ATXN7L1: variants seen among roughly 807,000 people sequenced by gnomAD.
The protein encoded by ATXN7L1 is ataxin 7 like 1.
ATXN7L1 carries 15 observed loss-of-function variants against 70.8 expected under a neutral mutation model. The ratio of observed to expected loss-of-function variants is 0.21; its 90% confidence interval spans 0.14 to 0.33. The LOEUF is 0.33. ATXN7L1 is among the 10% of genes least tolerant of loss of function. ATXN7L1 has a pLI of 1.00. For synonymous variants in ATXN7L1, 440 were observed against 445.1 expected, an observed-to-expected ratio of 0.99 and a Z score of 0.14; for missense variants, 975 against 1,097.1, an observed-to-expected ratio of 0.89 and a Z score of 1.57.
At chr7:105,677,610 AG>A (rs1804884565) in intron 3 of ATXN7L1, among the ~76,000 whole-genome samples, 1 of 152,220 alleles carries the variant, frequency 6.6e-6, no homozygotes, top group Non-Finnish European at 1.5e-5. Context: ...AACATGTAGA[AG>A]GTGGCTACCA....
At chr7:105,747,671 A>G (rs1672516332) in intron 3 of ATXN7L1, among the ~76,000 whole-genome samples, 1 of 152,072 alleles carries the variant, frequency 6.6e-6, no homozygotes, top group Non-Finnish European at 1.5e-5. Context: ...CAGTGGGGGG[A>G]CTGAGTCTTG....
chr7:105,629,748 T>C (rs1796311051), intron 7 of ATXN7L1, among the ~76,000 whole-genome samples: 1 of 151,772 alleles, frequency 6.6e-6, no homozygotes, highest in Non-Finnish European at 1.5e-5. Context: ...AAACTCCTGA[T>C]CTCAAGTGAA....
chr7:105,841,376 G>C (rs1456819951), intron 2 of ATXN7L1, among the ~76,000 whole-genome samples: 1 of 152,208 alleles, frequency 6.6e-6, no homozygotes, highest in East Asian at 1.9e-4. Context: ...CTTATCCACG[G>C]TTTCACTTTC....
chr7:105,733,633 C>CCATCCATCCACCCAT (rs1563049039), intron 3 of ATXN7L1, among the ~76,000 whole-genome samples: 1 of 38,252 alleles, frequency 2.6e-5, no homozygotes, highest in African/African-American at 1.1e-4. Flanking sequence ...CATCCATCCA[C>CCATCCATCCACCCAT]CCATCCATCC....
At chr7:105,617,896 G>A (rs897323787) in intron 9 of ATXN7L1, 18 of 456,146 alleles carry the variant, frequency 3.9e-5, no homozygotes, top group Non-Finnish European at 6.6e-5. Context: ...TGTCTTCCAC[G>A]CCCCCATCGG....
chr7:105,707,452 G>C (rs937427651), intron 3 of ATXN7L1, among the ~76,000 whole-genome samples: 1 of 152,298 alleles, frequency 6.6e-6, no homozygotes, highest in Admixed American at 6.5e-5. Context: ...AGAATGAGTG[G>C]GGGATGGAGG....
chr7:105,678,979 G>C (rs1805147316), intron 3 of ATXN7L1: 9 of 767,630 alleles, frequency 1.2e-5, no homozygotes, highest in Non-Finnish European at 1.4e-5. Flanking sequence ...TGCCTGCCAG[G>C]ATCTCTGTTC....
chr7:105,660,884 A>T (rs1202120757), intron 4 of ATXN7L1, among the ~76,000 whole-genome samples: 1 of 152,116 alleles, frequency 6.6e-6, no homozygotes, highest in Non-Finnish European at 1.5e-5. Context: ...CCTGGCCAGA[A>T]GTGACCTCTT....
At chr7:105,768,749 G>A (rs1048692812) in intron 3 of ATXN7L1, among the ~76,000 whole-genome samples, 1 of 152,230 alleles carries the variant, frequency 6.6e-6, no homozygotes, top group Non-Finnish European at 1.5e-5. Flanking sequence ...ACAAGAAGAC[G>A]AGTAATCTTC....
intron 5 of ATXN7L1, among the ~76,000 whole-genome samples, chr7:105,639,987 G>C (rs1010674527): frequency 6.6e-6 from 1 of 152,188 alleles, no homozygotes; most frequent in South Asian, 2.1e-4. Context: ...GAGACCCAAC[G>C]ACCCCTTTCC....
At chr7:105,785,084 C>T (rs757409237) in intron 3 of ATXN7L1, among the ~76,000 whole-genome samples, 5 of 152,248 alleles carry the variant, frequency 3.3e-5, no homozygotes, top group African/African-American at 1.2e-4. Flanking sequence ...GGGCAAAGCA[C>T]TGACCTCCTA....
At chr7:105,655,676 G>C (rs1305864287) in intron 4 of ATXN7L1, among the ~76,000 whole-genome samples, 1 of 152,218 alleles carries the variant, frequency 6.6e-6, no homozygotes, top group African/African-American at 2.4e-5. Flanking sequence ...CAGGCAGGAA[G>C]AGATAAGCCG....
intron 2 of ATXN7L1, among the ~76,000 whole-genome samples, chr7:105,836,326 C>G (rs949882665): frequency 1.3e-5 from 2 of 152,152 alleles, no homozygotes; most frequent in African/African-American, 2.4e-5. Context: ...ATTTAAGCCT[C>G]TGAATCACAC....
intron 3 of ATXN7L1, among the ~76,000 whole-genome samples, chr7:105,764,990 C>G (rs182951311): frequency 6.3e-4 from 96 of 152,196 alleles, no homozygotes; most frequent in Non-Finnish European, 1.2e-3. Flanking sequence ...AATGAACAAA[C>G]TATTCAGTGT....
chr7:105,622,759 AG>A (rs1434565333), intron 8 of ATXN7L1, among the ~76,000 whole-genome samples: 2 of 152,184 alleles, frequency 1.3e-5, no homozygotes, highest in Non-Finnish European at 2.9e-5. Context: ...GGGTTTTCAT[AG>A]GAAGATTTTC....
intron 7 of ATXN7L1, among the ~76,000 whole-genome samples, chr7:105,637,438 T>C (rs1020448994): frequency 1.3e-5 from 2 of 152,232 alleles, no homozygotes; most frequent in Admixed American, 1.3e-4. Context: ...CTGAGTATTA[T>C]TAATGTTTCC....
At chr7:105,683,469 A>G (rs1249679376) in intron 3 of ATXN7L1, among the ~76,000 whole-genome samples, 1 of 152,168 alleles carries the variant, frequency 6.6e-6, no homozygotes, top group African/African-American at 2.4e-5. Flanking sequence ...ACTTAAGGTC[A>G]GGAGTTCAAG....
At chr7:105,716,707 A>G (rs1312623460) in intron 3 of ATXN7L1, among the ~76,000 whole-genome samples, 2 of 149,068 alleles carry the variant, frequency 1.3e-5, no homozygotes, top group African/African-American at 5.0e-5. Context: ...ACACACACAC[A>G]CACACACACA....
chr7:105,652,515 G>C (rs148101955), intron 4 of ATXN7L1, among the ~76,000 whole-genome samples: 57 of 152,266 alleles, frequency 3.7e-4, no homozygotes, highest in African/African-American at 1.3e-3. Flanking sequence ...CAACAAGCGG[G>C]AGCACTCCCC....
Sources: gnomAD v4.1 joint callset for allele counts (sites outside exome capture counted in the v4.1 genomes callset) on GRCh38, gnomAD v4.1.1 for gene constraint, MANE v1.5 for transcripts, NCBI Gene and HGNC (gene_info 2026-07-23, HGNC 2026-07-21) for gene names.